The following FKTN variants were observed in gnomAD, a reference collection of about 807,000 sequenced individuals.
FKTN encodes the protein ribitol-5-phosphate transferase FKTN.
In FKTN, 47 loss-of-function variants were observed where a neutral mutation model predicts 58.6. The ratio of observed to expected loss-of-function variants is 0.80; its 90% CI spans 0.63 to 1.02. The LOEUF is 1.02. Among genes scored for constraint, FKTN ranks in the 50% least tolerant of loss-of-function variants. The probability of loss-of-function intolerance (pLI) is 0.00; values close to 1 mark genes in which losing one functional copy is unlikely to be tolerated. For synonymous variants in FKTN, 178 were observed against 191.9 expected (o/e 0.93, Z 0.60); for missense variants, 516 against 537.3 (o/e 0.96, Z 0.39).
chr9:105,626,093 G>A (rs1344380932), intron 10 of FKTN, among the ~76,000 whole-genome samples: 1 of 152,134 alleles, frequency 6.6e-6, no homozygotes, highest in Non-Finnish European at 1.5e-5. Flanking sequence ...TTAATTGTAT[G>A]AATATATCAC....
intron 1 of FKTN, among the ~76,000 whole-genome samples, chr9:105,559,773 G>A (rs775605392): frequency 2.0e-5 from 3 of 152,120 alleles, no homozygotes; most frequent in East Asian, 1.9e-4. Context: ...TAGAGTGCAT[G>A]GACTGTAATT....
In FKTN at chr9:105,636,852, C is replaced by A; in HGVS notation, c.*1588C>A. 8.6e-7 allele frequency: 1 copy of A among 1,166,644 alleles called. No homozygotes were observed. Among genetic ancestry groups the A allele is most frequent in the Non-Finnish European group, 1.1e-6 (1 of 909,396 alleles). 72.3% of individuals were successfully genotyped at this position (1,166,644 alleles called of 1,614,324 possible). A position where few individuals can be genotyped will look rare whatever the true frequency, so the allele number is the denominator to read the frequency against. On this transcript the variant is annotated 3_prime_UTR_variant, in exon 11 of 11. Coordinates refer to ENST00000357998, the MANE Select transcript of FKTN (RefSeq NM_001079802.2). ...ATTAGAGAAAGTAACTTACAACCAC[C>A]CATTCCGGATTTGTAAAGCAACATG...
rs145125963 is a variant in FKTN, at chr9:105,574,835, T to A, written c.-88-110T>A. The A allele has an allele frequency of 2.0e-3, 1,098 of 561,402 alleles. 11 individuals carry two copies. Among genetic ancestry groups the A allele is most frequent in the African/African-American group, 0.019 (1,032 of 53,100 alleles). 34.8% of individuals were successfully genotyped at this position (561,402 alleles called of 1,614,324 possible). ...TTCTTTAGCATAGACAATGACCAGA[T>A]CAAAGAATGCCTGTGGAAATTTAAT... On this transcript the variant is annotated intron_variant, in intron 2 of 10. Coordinates refer to ENST00000357998, the MANE Select transcript of FKTN (RefSeq NM_001079802.2).
chr9:105,636,331 T>G lies in FKTN; in HGVS notation c.*1067T>G. The G allele has an allele frequency of 1.0e-6, 1 of 980,296 alleles. No homozygotes were observed. Among genetic ancestry groups the G allele is most frequent in the Non-Finnish European group, 1.2e-6 (1 of 825,150 alleles). 60.7% of individuals were successfully genotyped at this position (980,296 alleles called of 1,614,324 possible). On this transcript the variant is annotated 3_prime_UTR_variant, in exon 11 of 11. Coordinates refer to ENST00000357998, the MANE Select transcript of FKTN (RefSeq NM_001079802.2). ...AATTTAAATGGCATGTAAACCTGCC[T>G]GTTTCTTCTCCTCTTCTAATATATC...
chr9:105,560,647 A>G (rs984872812), intron 1 of FKTN, among the ~76,000 whole-genome samples: 1 of 152,222 alleles, frequency 6.6e-6, no homozygotes, highest in African/African-American at 2.4e-5. Context: ...ATATGTACAT[A>G]CATTCACAAT....
At chr9:105,580,537 C>T (rs1842689619) in intron 3 of FKTN, among the ~76,000 whole-genome samples, 1 of 114,108 alleles carries the variant, frequency 8.8e-6, no homozygotes, top group Non-Finnish European at 1.8e-5. Context: ...AAGAGATCCG[C>T]TGTTAGTCTG....
At chr9:105,595,695 A>G (rs1016582728) in intron 3 of FKTN, among the ~76,000 whole-genome samples, 38 of 152,182 alleles carry the variant, frequency 2.5e-4, no homozygotes, top group Non-Finnish European at 5.6e-4. Context: ...CCTAGGTGCT[A>G]CTGGTTATAC....
intron 1 of FKTN, among the ~76,000 whole-genome samples, chr9:105,571,284 C>T (rs113907468): frequency 0.019 from 2,835 of 152,198 alleles, 81 homozygotes; most frequent in African/African-American, 0.065. Flanking sequence ...GTAAAATCAA[C>T]ATACTATGGC....
intron 3 of FKTN, among the ~76,000 whole-genome samples, chr9:105,577,571 G>A (rs1260935280): frequency 6.9e-6 from 1 of 145,968 alleles, no homozygotes; most frequent in Non-Finnish European, 1.5e-5. Context: ...GGTTACTGTA[G>A]CCTTGTAGTA....
intron 8 of FKTN, among the ~76,000 whole-genome samples, chr9:105,617,319 G>T (rs963686293): frequency 6.6e-6 from 1 of 152,250 alleles, no homozygotes; most frequent in East Asian, 1.9e-4. Flanking sequence ...GAGCACATAC[G>T]TGGTAAACAC....
chr9:105,569,779 C>G (rs1489136620), intron 1 of FKTN, among the ~76,000 whole-genome samples: 1 of 152,156 alleles, frequency 6.6e-6, no homozygotes, highest in African/African-American at 2.4e-5. Flanking sequence ...AACTTCGTAA[C>G]TCCCCTCGTT....
At chr9:105,634,994 A>G (rs1833909097) in intron 10 of FKTN, 57 bp from the exon 11 acceptor site, 1 of 1,381,892 alleles carries the variant, frequency 7.2e-7, no homozygotes, top group Admixed American at 1.7e-5. Flanking sequence ...TAGCAGCTAG[A>G]TTCCTTAGCT....
chr9:105,628,572 CTAAGAGAAATAAAAGCATATTTTCAG>C (rs1270780019), intron 10 of FKTN, among the ~76,000 whole-genome samples: 1 of 151,972 alleles, frequency 6.6e-6, no homozygotes, highest in African/African-American at 2.4e-5. Context: ...GGATAGTATT[CTAAGAGAAATAAAAGCATATTTTCAG>C]TAAAAGACTT....
chr9:105,639,467 G>A lies in FKTN; in HGVS notation c.*4203G>A. 1 of 654,390 alleles carries A rather than the reference G, an allele frequency of 1.5e-6. No homozygotes were observed. The highest frequency in any genetic ancestry group is 1.9e-6 in the Non-Finnish European group (1 of 528,110). The allele number at this position is 654,390 out of a possible 1,614,324, so 40.5% of individuals were successfully genotyped here. A position where few individuals can be genotyped will look rare whatever the true frequency, so the allele number is the denominator to read the frequency against. ...GATACATACTTCTAAGGGTTTTTAG[G>A]GGGATTAAATGAAGTATACAGTTCT... is the stretch of plus-strand genomic sequence containing the variant. On this transcript the variant is annotated 3_prime_UTR_variant, in exon 11 of 11. Transcript: ENST00000357998.
chr9:105,569,962 T>A (rs1269267169), intron 1 of FKTN, among the ~76,000 whole-genome samples: 1 of 152,174 alleles, frequency 6.6e-6, no homozygotes, highest in Non-Finnish European at 1.5e-5. Context: ...TCCTCCCTAG[T>A]GTTTTTATTA....
intron 3 of FKTN, among the ~76,000 whole-genome samples, chr9:105,579,453 A>G (rs2132137645): frequency 6.6e-6 from 1 of 151,956 alleles, no homozygotes; most frequent in South Asian, 2.1e-4. Context: ...CAGGTTGTTC[A>G]GTTTCCATGT....
At chr9:105,577,693 G>C (rs373167256) in intron 3 of FKTN, among the ~76,000 whole-genome samples, 13 of 151,154 alleles carry the variant, frequency 8.6e-5, no homozygotes, top group South Asian at 4.2e-4. Flanking sequence ...TAGTTTTTTC[G>C]AATTCTGTGA....
intron 1 of FKTN, 101 bp from the exon 2 acceptor site, chr9:105,573,554 G>A (rs140838771): frequency 6.6e-6 from 1 of 151,966 alleles, no homozygotes; most frequent in African/African-American, 2.4e-5. Flanking sequence ...CTTAAGTGTG[G>A]GAGTTTCGGG....
At chr9:105,579,241 C>G (rs1842383347) in intron 3 of FKTN, among the ~76,000 whole-genome samples, 1 of 152,144 alleles carries the variant, frequency 6.6e-6, no homozygotes, top group Admixed American at 6.5e-5. Flanking sequence ...TTCTCTAGTT[C>G]TCTTAATTGT....
Sources: gnomAD v4.1 joint callset for allele counts (sites outside exome capture counted in the v4.1 genomes callset) on GRCh38, gnomAD v4.1.1 for gene constraint, MANE v1.5 for transcripts, NCBI Gene and HGNC (gene_info 2026-07-23, HGNC 2026-07-21) for gene names.